MBNL2: variants seen among roughly 807,000 people sequenced by gnomAD.
MBNL2 encodes muscleblind-like protein 2.
Under a neutral mutation model 41.9 loss-of-function variants are expected in MBNL2, and 17 were observed. The observed-to-expected ratio is 0.41, with a 90% CI of 0.28 to 0.61. The LOEUF (loss-of-function observed/expected upper bound fraction) is 0.61, where lower values mean the gene tolerates loss of function less well. MBNL2 is among the 20% of genes least tolerant of loss of function. The pLI is 0.35. For missense variants in MBNL2, 336 were observed against 505.6 expected (o/e 0.66, Z 3.22); for synonymous variants, 195 against 182.9 (o/e 1.07, Z -0.53).
chr13:97,142,822 C>G, the MBNL2 span, among the ~76,000 whole-genome samples: 1 of 152,202 alleles, frequency 6.6e-6, no homozygotes, highest in Non-Finnish European at 1.5e-5. Context: ...AACTAACATG[C>G]AACTTTGGGA....
At chr13:97,181,094 T>A in the MBNL2 span, among the ~76,000 whole-genome samples, 2 of 151,030 alleles carry the variant, frequency 1.3e-5, no homozygotes, top group East Asian at 3.9e-4. Context: ...TCTCTCTCTC[T>A]CCCCCCCACC....
In MBNL2 at chr13:97,319,287, G is replaced by A. The variant is rs137978813; in HGVS notation, c.175-14989G>A. Among the ~76,000 whole-genome samples, 574 of 152,304 alleles carry A rather than the reference G, an allele frequency of 3.8e-3. 3 individuals carry two copies. Among genetic ancestry groups the A allele is most frequent in the African/African-American group, 0.013 (552 of 41,556 alleles). On this transcript the variant is annotated intron_variant, in intron 2 of 8. Coordinates refer to ENST00000679496, the MANE Select transcript of MBNL2 (RefSeq NM_001382683.1). ...AAGCTAGGGCCATGAGTCAGCATCA[G>A]CTGGTGCAAAGATTCAGTGTCACTT...
the MBNL2 span, among the ~76,000 whole-genome samples, chr13:97,196,417 G>A: frequency 6.6e-6 from 1 of 152,136 alleles, no homozygotes; most frequent in African/African-American, 2.4e-5. Context: ...CAATTTAAAT[G>A]GTTCAGAAAA....
rs1489086222 is a variant in MBNL2 at position 97,334,195 on chromosome 13, A to G, written c.175-81A>G. ...ACACACAGGATCCTTGCTTTTGTGC[A>G]TAAGAAGTGATTGTTCAGTGGTTGA... On this transcript the variant is annotated intron_variant, in intron 2 of 8. Coordinates refer to ENST00000679496, the MANE Select transcript of MBNL2 (RefSeq NM_001382683.1). The surrounding 1 kb of genome is among the most constrained non-coding windows in gnomAD (Gnocchi z 5.3). 8 of 1,072,006 alleles carry G rather than the reference A, an allele frequency of 7.5e-6. No homozygotes were observed. The highest frequency in any genetic ancestry group is 1.5e-5 in the South Asian group (1 of 65,482). The allele number at this position is 1,072,006 out of a possible 1,614,324, so 66.4% of individuals were successfully genotyped here. A position where few individuals can be genotyped will look rare whatever the true frequency, so the allele number is the denominator to read the frequency against.
chr13:97,223,083 T>C (rs983566785), intron 1 of MBNL2, among the ~76,000 whole-genome samples: 1 of 152,254 alleles, frequency 6.6e-6, no homozygotes, highest in African/African-American at 2.4e-5. Flanking sequence ...GGTAGCTTTC[T>C]GGCAAGTTTT....
intron 2 of MBNL2, among the ~76,000 whole-genome samples, chr13:97,304,737 T>G (rs190862502): frequency 2.0e-4 from 31 of 152,350 alleles, no homozygotes; most frequent in African/African-American, 7.0e-4. Context: ...CTTTGCAAAC[T>G]ATTAAATGCA....
chr13:97,327,946 T>C (rs2060047150), intron 2 of MBNL2, among the ~76,000 whole-genome samples: 1 of 152,288 alleles, frequency 6.6e-6, no homozygotes, highest in Non-Finnish European at 1.5e-5. Context: ...ATTATGATGA[T>C]GATGAAGCTT....
At chr13:97,144,423 C>CTTTTTT in the MBNL2 span, among the ~76,000 whole-genome samples, 4,740 of 116,940 alleles carry the variant, frequency 0.041, 262 homozygotes, top group East Asian at 0.062. Context: ...CATGATACTT[C>CTTTTTT]TTTTTTTTTT....
chr13:97,175,404 C>G, the MBNL2 span, among the ~76,000 whole-genome samples: 6 of 152,126 alleles, frequency 3.9e-5, no homozygotes, highest in Non-Finnish European at 8.8e-5. Context: ...GTGATCCTAA[C>G]AGTGATCCAG....
chr13:97,360,111 C>T (rs1404638137), intron 7 of MBNL2, among the ~76,000 whole-genome samples: 4 of 152,174 alleles, frequency 2.6e-5, no homozygotes, highest in Admixed American at 6.5e-5. Context: ...TAACTTGGTA[C>T]ATAGAGGACC....
In MBNL2 at chr13:97,357,567, G is replaced by C; in HGVS notation, c.944G>C (p.Ser315Thr). 6.2e-7 allele frequency: 1 copy of C among 1,613,922 alleles called. No individual in the cohort carries two copies. Among genetic ancestry groups the C allele is most frequent in the Non-Finnish European group, 8.5e-7 (1 of 1,179,904 alleles). ...SNGTSAVFNP[S>T]VLHYQQALTS... ...GGTACCAGCGCGGTCTTTAACCCCA[G>C]CGTCTTGCACTACCAGCAGGCTCTC... Residue 315 changes from serine to threonine, a missense_variant, in exon 7 of 9, where the codon AGC (serine) becomes ACC (threonine). Physicochemically the swap from Ser to Thr is moderately conservative, Grantham distance 58. Coordinates refer to ENST00000679496, the MANE Select transcript of MBNL2 (RefSeq NM_001382683.1).
At chr13:97,308,713 TTC>T (rs2058330772) in intron 2 of MBNL2, among the ~76,000 whole-genome samples, 1 of 152,344 alleles carries the variant, frequency 6.6e-6, no homozygotes, top group South Asian at 2.1e-4. Flanking sequence ...AACAGAATAT[TTC>T]TTTTTCCTCT....
intron 1 of MBNL2, among the ~76,000 whole-genome samples, chr13:97,250,266 C>G (rs1246202527): frequency 1.3e-5 from 2 of 152,182 alleles, no homozygotes; most frequent in Non-Finnish European, 2.9e-5. Flanking sequence ...TTCTCCAGCT[C>G]ATTGGTTCTA....
intron 2 of MBNL2, among the ~76,000 whole-genome samples, chr13:97,304,947 C>G (rs919308350): frequency 1.3e-5 from 2 of 152,190 alleles, no homozygotes; most frequent in Admixed American, 1.3e-4. Context: ...ACCTTAAGAT[C>G]TGATTTTTAT....
the MBNL2 span, among the ~76,000 whole-genome samples, chr13:97,212,077 A>T: frequency 6.6e-6 from 1 of 152,206 alleles, no homozygotes; most frequent in Non-Finnish European, 1.5e-5. Flanking sequence ...GAAGAAAGAC[A>T]GGCAGAAGCC....
chr13:97,213,752 A>G, the MBNL2 span, among the ~76,000 whole-genome samples: 1 of 152,236 alleles, frequency 6.6e-6, no homozygotes, highest in African/African-American at 2.4e-5. Context: ...GGATCTAGGT[A>G]GGGTGGTGAT....
the MBNL2 span, among the ~76,000 whole-genome samples, chr13:97,210,663 G>T: frequency 8.1e-6 from 1 of 124,070 alleles, no homozygotes. Context: ...TGCAATCGTG[G>T]CTTACTGCAA....
the MBNL2 span, among the ~76,000 whole-genome samples, chr13:97,151,424 G>A: frequency 2.6e-5 from 4 of 152,200 alleles, no homozygotes; most frequent in South Asian, 4.1e-4. Flanking sequence ...GTTCTAGCAT[G>A]GGAAAACACC....
intron 5 of MBNL2, among the ~76,000 whole-genome samples, chr13:97,351,002 G>C (rs771343944): frequency 6.6e-6 from 1 of 152,166 alleles, no homozygotes; most frequent in Non-Finnish European, 1.5e-5. Context: ...GGCAGCTACA[G>C]CCTTACAAAA....
Sources: gnomAD v4.1 joint callset for allele counts (sites outside exome capture counted in the v4.1 genomes callset) on GRCh38, gnomAD v4.1.1 for gene constraint, Gnocchi (gnomAD v3.1) non-coding constraint, MANE v1.5 for transcripts, NCBI Gene and HGNC (gene_info 2026-07-23, HGNC 2026-07-21) for gene names.